FECH: variants seen among roughly 807,000 people sequenced by gnomAD.
FECH encodes the protein ferrochelatase, also known as ferrochelatase, mitochondrial.
A neutral mutation model predicts 56.9 loss-of-function variants in FECH; 40 were observed. The ratio of observed to expected loss-of-function variants is 0.70; its 90% CI spans 0.55 to 0.92. The LOEUF is 0.92. Among genes scored for constraint, FECH ranks in the 40% least tolerant of loss-of-function variants. The pLI, the probability that FECH is intolerant of heterozygous loss-of-function variation, is 0.00. For missense variants in FECH, 431 were observed against 529.1 expected, an observed-to-expected ratio of 0.81 and a Z score of 1.82; for synonymous variants, 175 against 198.6, an observed-to-expected ratio of 0.88 and a Z score of 1.00.
chr18:57,568,283 C>T (rs541407350), intron 4 of FECH, among the ~76,000 whole-genome samples: 131 of 152,176 alleles, frequency 8.6e-4, no homozygotes, highest in Non-Finnish European at 1.7e-3. Context: ...GGGAGTTCCT[C>T]AAATCATGCA....
chr18:57,546,977 AT>A lies in FECH; in HGVS notation c.*3734del, dbSNP rs2050729036. On this transcript the variant is annotated 3_prime_UTR_variant, in exon 11 of 11. Transcript: ENST00000262093. ...TCCATCTCAAAAAAAAAAAAAAAAAATTTAAGGAGTGCCCTGCCGGGTTTCA... is the reference window on the plus strand; with the variant it reads ...TCCATCTCAAAAAAAAAAAAAAAAAATTAAGGAGTGCCCTGCCGGGTTTCA... Among the ~76,000 whole-genome samples, 1 of 151,320 alleles carries A rather than the reference AT, an allele frequency of 6.6e-6. No individual in the cohort carries two copies. Among genetic ancestry groups the A allele is most frequent in the Admixed American group, 6.6e-5 (1 of 15,204 alleles).
Position 57,544,822 on chromosome 18 carries a change from C to T in FECH, c.*5890G>A, listed in dbSNP as rs766833787. ...AAATAATCAACGACAAAAAAAAGGG[C>T]GAAATAATTAGAAAGTAATGAATTT... On this transcript the variant is annotated 3_prime_UTR_variant, in exon 11 of 11. Transcript: ENST00000262093. Among the ~76,000 whole-genome samples, 7 of 151,922 alleles carry T rather than the reference C, an allele frequency of 4.6e-5. No individual in the cohort carries two copies. Among genetic ancestry groups the T allele is most frequent in the Admixed American group, 1.3e-4 (2 of 15,262 alleles).
rs922495972 is a variant in FECH, at chr18:57,566,705, G to A, written c.464-124C>T. ...CATGTAATTTCCTATGGCACTGACG[G>A]TGAAGGCAAGTTTAGCATATTCCTT... On this transcript the variant is annotated intron_variant, in intron 4 of 10. Coordinates refer to ENST00000262093, the MANE Select transcript of FECH (RefSeq NM_000140.5). 6.9e-6 allele frequency: 8 copies of A among 1,160,708 alleles called. No homozygotes were observed. In the African/African-American group the frequency reaches 7.6e-5, roughly 11 times the overall value. The allele number at this position is 1,160,708 out of a possible 1,614,324, so 71.9% of individuals were successfully genotyped here.
chr18:57,550,765 C>T lies in FECH; in HGVS notation c.1219G>A (p.Val407Ile). The change falls in exon 11 of 11, where the codon GTC becomes ATC. Residue 407 changes from valine to isoleucine, a missense_variant. Physicochemically the swap from Val to Ile is conservative, Grantham distance 29. Coordinates refer to ENST00000262093, the MANE Select transcript of FECH (RefSeq NM_000140.5). Reference sequence around the variant, plus strand: ...TTAGTCTCCCTGCAGACAGGATTGACACAGAGCGGACAGCTCAGGGTCAGC... The same window carrying T: ...TTAGTCTCCCTGCAGACAGGATTGATACAGAGCGGACAGCTCAGGGTCAGC... Reference protein sequence around the residue: ...KQLTLSCPLCVNPVCRETKSF... With the variant: ...KQLTLSCPLCINPVCRETKSF... 6 of 1,614,162 alleles carry T rather than the reference C, an allele frequency of 3.7e-6. No individual in the cohort carries two copies. Among genetic ancestry groups the T allele is most frequent in the Non-Finnish European group, 5.1e-6 (6 of 1,180,018 alleles).
chr18:57,553,323 T>A (rs967249990), intron 9 of FECH, among the ~76,000 whole-genome samples: 6 of 152,288 alleles, frequency 3.9e-5, no homozygotes, highest in African/African-American at 1.4e-4. Flanking sequence ...GTCTGATTGA[T>A]GTCCAGCATG....
Position 57,554,935 on chromosome 18 carries a change from G to A in FECH, c.822C>T (p.Asp274=). ...TGGCGCTTACCTCCTGAGGATATGG[G>A]TCGCCTCTGTTGACCACCTGCAGCA... ...SLPMSVVNRG[D]PYPQEVSATV... is the part of the protein sequence containing the mutation. Residue 274 remains aspartate, a synonymous_variant, in exon 8 of 11, where the codon GAC becomes GAT. Transcript: ENST00000262093. 6.2e-7 allele frequency: 1 copy of A among 1,614,106 alleles called. No individual in the cohort carries two copies. Among genetic ancestry groups the A allele is most frequent in the Non-Finnish European group, 8.5e-7 (1 of 1,179,994 alleles).
chr18:57,582,543 G>A (rs1009927558), intron 1 of FECH, among the ~76,000 whole-genome samples: 25 of 151,510 alleles, frequency 1.7e-4, no homozygotes, highest in Admixed American at 9.2e-4. Flanking sequence ...TGGGAGGATC[G>A]CTTGAGCCCA....
intron 2 of FECH, among the ~76,000 whole-genome samples, chr18:57,575,574 C>G (rs954696902): frequency 1.3e-5 from 2 of 152,182 alleles, no homozygotes; most frequent in African/African-American, 4.8e-5. Flanking sequence ...TCCTGAGTAG[C>G]TGGGACCACA....
Position 57,571,489 on chromosome 18 carries a change from C to T in FECH, c.366G>A (p.Gln122=). ...GGGATCCGCCTCCAATCCTGCGGTA[C>T]TGCTCTTGAATCTTGGGGGTTCGGC... is the stretch of plus-strand genomic sequence containing the variant. ...AKRRTPKIQE[Q]YRRIGGGSPI... The change falls in exon 4 of 11, where the codon CAG becomes CAA. Residue 122 remains glutamine, a synonymous_variant. Transcript: ENST00000262093. The T allele has an allele frequency of 6.2e-7, 1 of 1,614,058 alleles. No homozygotes were observed. The highest frequency in any genetic ancestry group is 8.5e-7 in the Non-Finnish European group (1 of 1,180,020).
intron 1 of FECH, among the ~76,000 whole-genome samples, chr18:57,583,787 C>T (rs186198683): frequency 1.3e-5 from 2 of 151,292 alleles, no homozygotes; most frequent in East Asian, 3.9e-4. Context: ...GTGGAGAGAC[C>T]CTATCTCTAT....
At chr18:57,559,834 A>T (rs1375088430) in intron 6 of FECH, among the ~76,000 whole-genome samples, 1 of 152,324 alleles carries the variant, frequency 6.6e-6, no homozygotes, top group Non-Finnish European at 1.5e-5. Context: ...GCCGGGAAAG[A>T]TGTGGTAAAC....
chr18:57,577,958 T>TG (rs1261502909), intron 2 of FECH, among the ~76,000 whole-genome samples: 1 of 116,614 alleles, frequency 8.6e-6, no homozygotes, highest in Non-Finnish European at 2.1e-5. Context: ...TGTTTTAAGG[T>TG]TTTTTTTGTT....
rs770199364 is a variant in FECH, at chr18:57,550,419, G to A, written c.*293C>T. Reference sequence around the variant, plus strand: ...AAAGCCAAAATCTGTACTTAAATAGGTGTGTCTCATAAGACAAATTTTTAA... The same window carrying A: ...AAAGCCAAAATCTGTACTTAAATAGATGTGTCTCATAAGACAAATTTTTAA... On this transcript the variant is annotated 3_prime_UTR_variant, in exon 11 of 11. Transcript: ENST00000262093. 2 of 373,790 alleles carry A rather than the reference G, an allele frequency of 5.4e-6. No individual in the cohort carries two copies. The highest frequency in any genetic ancestry group is 1.0e-5 in the Non-Finnish European group (2 of 199,000). 23.2% of individuals were successfully genotyped at this position (373,790 alleles called of 1,614,324 possible).
intron 7 of FECH, among the ~76,000 whole-genome samples, chr18:57,556,297 T>C (rs368711599): frequency 2.0e-5 from 3 of 152,200 alleles, no homozygotes; most frequent in African/African-American, 7.2e-5. Context: ...CCATGGATGC[T>C]AGGAAATAAC....
At chr18:57,569,739 T>C (rs1236614956) in intron 4 of FECH, among the ~76,000 whole-genome samples, 1 of 151,980 alleles carries the variant, frequency 6.6e-6, no homozygotes, top group Non-Finnish European at 1.5e-5. Flanking sequence ...TAATGATGGG[T>C]ACTACAGTAA....
intron 6 of FECH, among the ~76,000 whole-genome samples, chr18:57,559,786 A>G (rs1011361543): frequency 1.3e-5 from 2 of 152,180 alleles, no homozygotes; most frequent in African/African-American, 2.4e-5. Flanking sequence ...CTTCACAACA[A>G]CAGATGACAG....
intron 6 of FECH, 27 bp from the exon 7 acceptor site, chr18:57,559,270 A>G: frequency 1.4e-6 from 2 of 1,440,742 alleles, no homozygotes; most frequent in Non-Finnish European, 9.8e-7. Context: ...AAAGGAGGAT[A>G]AAGAGGAAGG....
chr18:57,544,941 T>G lies in FECH; in HGVS notation c.*5771A>C, dbSNP rs1387190395. Among the ~76,000 whole-genome samples, 1 of 152,264 alleles carries G rather than the reference T, an allele frequency of 6.6e-6. No individual in the cohort carries two copies. Among genetic ancestry groups the G allele is most frequent in the African/African-American group, 2.4e-5 (1 of 41,476 alleles). ...TTAACAATTGGTTCACAAGCCAACATGCCATGTGCCTGTGCAATCAATTCC... is the reference window on the plus strand; with the variant it reads ...TTAACAATTGGTTCACAAGCCAACAGGCCATGTGCCTGTGCAATCAATTCC... On this transcript the variant is annotated 3_prime_UTR_variant, in exon 11 of 11. Transcript: ENST00000262093.
At chr18:57,561,570 G>A (rs2122279378) in intron 6 of FECH, among the ~76,000 whole-genome samples, 1 of 152,300 alleles carries the variant, frequency 6.6e-6, no homozygotes, top group Middle Eastern at 3.4e-3. Context: ...CACCATCTAG[G>A]AGGGCAGATA....
Sources: allele counts gnomAD v4.1 joint callset (sites outside exome capture counted in the v4.1 genomes callset), GRCh38; gene constraint gnomAD v4.1.1; transcripts MANE v1.5; gene names NCBI Gene and HGNC (gene_info 2026-07-23, HGNC 2026-07-21).